The following COL5A3 variants were observed in gnomAD, a reference collection of about 807,000 sequenced individuals.
The protein encoded by COL5A3 is collagen alpha-3(V) chain.
In COL5A3, 172 loss-of-function variants were observed where a neutral mutation model predicts 250.0. The observed-to-expected ratio is 0.69, with a 90% CI of 0.61 to 0.78. COL5A3 has a LOEUF of 0.78. Ranked by LOEUF, COL5A3 falls within the 30% of genes least tolerant of loss-of-function variation. The pLI, the probability that COL5A3 is intolerant of heterozygous loss-of-function variation, is 0.00. For synonymous variants in COL5A3, 937 were observed against 900.4 expected (o/e 1.04, Z -0.73); for missense variants, 2,340 against 2,334.4 (o/e 1.00, Z -0.05).
chr19:10,006,986 A>C, intron 1 of COL5A3, among the ~76,000 whole-genome samples: 3 of 136,716 alleles, frequency 2.2e-5, no homozygotes, highest in Admixed American at 7.3e-5. Flanking sequence ...TTGCCCTCTG[A>C]CCTCCTCCCT....
chr19:9,988,334 C>A (rs1463669186), intron 27 of COL5A3, among the ~76,000 whole-genome samples: 1 of 152,178 alleles, frequency 6.6e-6, no homozygotes, highest in Admixed American at 6.6e-5. Flanking sequence ...TACAGTATAG[C>A]CAATTCCTTG....
At chr19:9,969,466 C>G (rs915332894) in intron 56 of COL5A3, 64 bp from the exon 57 acceptor site, 11 of 1,583,352 alleles carry the variant, frequency 6.9e-6, no homozygotes, top group African/African-American at 2.7e-5. Flanking sequence ...GACCCCCCCC[C>G]GACCATGCAC....
intron 24 of COL5A3, among the ~76,000 whole-genome samples, chr19:9,989,806 C>T (rs766684588): frequency 3.3e-5 from 5 of 152,132 alleles, no homozygotes; most frequent in Admixed American, 1.3e-4. Context: ...AATTATATGT[C>T]GCCCAGGTTG....
In COL5A3 at chr19:9,969,690, G is replaced by A. The variant is rs777667086; in HGVS notation, c.3991-8C>T. The A allele has an allele frequency of 3.1e-6, 5 of 1,587,794 alleles. No homozygotes were observed. The South Asian group carries it at 5.7e-5, about 18-fold the overall frequency. Reference sequence around the variant, plus strand: ...ATCAGGACCTGGCTCCCCCTGAAATGGACACAGGCAAGGGAGGGGCCAGAG... The same window carrying A: ...ATCAGGACCTGGCTCCCCCTGAAATAGACACAGGCAAGGGAGGGGCCAGAG... On this transcript the variant is annotated splice_region_variant and splice_polypyrimidine_tract_variant and intron_variant, in intron 55 of 66. Coordinates refer to ENST00000264828, the MANE Select transcript of COL5A3 (RefSeq NM_015719.4).
chr19:9,960,650 C>G lies in COL5A3; in HGVS notation c.5091+1G>C. 6.2e-7 allele frequency: 1 copy of G among 1,613,984 alleles called. No homozygotes were observed. Among genetic ancestry groups the G allele is most frequent in the South Asian group, 1.1e-5 (1 of 91,086 alleles). On this transcript the variant is annotated splice_donor_variant, in intron 66 of 66. Coordinates refer to ENST00000264828, the MANE Select transcript of COL5A3 (RefSeq NM_015719.4). LOFTEE classifies it high-confidence loss of function. ...AGCTGGCCACTGCCCCACCCTCTTA[C>G]CCGGCAGCCATCCTGGGGGACGCTG...
intron 64 of COL5A3, 60 bp downstream of exon 64, chr19:9,966,248 TTGTGGG>T: frequency 8.4e-7 from 1 of 1,187,016 alleles, no homozygotes; most frequent in Admixed American, 1.9e-5. Flanking sequence ...GACAAGGTGG[TTGTGGG>T]TGTGGGGAGC....
At chr19:9,989,897 T>G (rs978033032) in intron 24 of COL5A3, among the ~76,000 whole-genome samples, 3 of 151,994 alleles carry the variant, frequency 2.0e-5, no homozygotes, top group Non-Finnish European at 2.9e-5. Flanking sequence ...CTCCAGTAGC[T>G]GGGACTACAG....
chr19:9,977,524 G>T (rs538879736), intron 42 of COL5A3, 52 bp from the exon 43 acceptor site: 33 of 1,505,012 alleles, frequency 2.2e-5, no homozygotes, highest in Non-Finnish European at 2.5e-5. Flanking sequence ...TCCTGCAGGA[G>T]CCATGTCCTG....
chr19:9,965,665 C>T (rs1306343729), intron 64 of COL5A3, among the ~76,000 whole-genome samples: 1 of 150,304 alleles, frequency 6.7e-6, no homozygotes, highest in Non-Finnish European at 1.5e-5. Context: ...GTTGGTCAGC[C>T]TTGTCTCGAA....
Position 9,989,487 on chromosome 19 carries a change from T to C in COL5A3, c.2028A>G (p.Pro676=). 1 of 1,613,308 alleles carries C rather than the reference T, an allele frequency of 6.2e-7. No homozygotes were observed. The change falls in exon 25 of 67, where the codon CCA becomes CCG. Residue 676 remains proline (P), a synonymous_variant. Transcript: ENST00000264828. ...TTCTCACCAGAGGGCCATCGGATCCTGGGAGGCCTGGAATTCCTGGGTTTC... is the reference window on the plus strand; with the variant it reads ...TTCTCACCAGAGGGCCATCGGATCCCGGGAGGCCTGGAATTCCTGGGTTTC... The part of the protein sequence containing the change: ...PPGNPGIPGL[P]GSDGPLGHPG...
At chr19:9,994,810 G>T (rs190309018) in intron 16 of COL5A3, among the ~76,000 whole-genome samples, 7 of 151,390 alleles carry the variant, frequency 4.6e-5, no homozygotes, top group African/African-American at 1.7e-4. Flanking sequence ...ACAGGCAATT[G>T]TAACACTATA....
In COL5A3 at chr19:9,979,422, A is replaced by G. The variant is rs1367506943; in HGVS notation, c.2713-5T>C. 2 of 1,614,114 alleles carry G rather than the reference A, an allele frequency of 1.2e-6. No individual in the cohort carries two copies. The highest frequency in any genetic ancestry group is 1.1e-5 in the South Asian group (1 of 91,082). On this transcript the variant is annotated splice_polypyrimidine_tract_variant and splice_region_variant and intron_variant, in intron 37 of 66. Transcript: ENST00000264828. ...GCCTGTCTGACCTTGGAAGCCCTAG[A>G]GAGAAAAATTAAATGTGGGGGCGGT...
Position 10,004,028 on chromosome 19 carries a change from G to A in COL5A3, c.699+13C>T. 1 of 1,590,850 alleles carries A rather than the reference G, an allele frequency of 6.3e-7. No individual in the cohort carries two copies. Among genetic ancestry groups the A allele is most frequent in the Non-Finnish European group, 8.6e-7 (1 of 1,158,674 alleles). On this transcript the variant is annotated intron_variant, in intron 5 of 66. Transcript: ENST00000264828. The stretch of plus-strand genomic sequence containing the variant: ...GTGTCCTGAGATTAGGAGTCATGGA[G>A]TCCCTCACTCACCACTGTGGCTGCC...
chr19:9,999,221 C>T (rs2087319070), intron 8 of COL5A3, among the ~76,000 whole-genome samples: 2 of 140,588 alleles, frequency 1.4e-5, no homozygotes, highest in Admixed American at 7.4e-5. Flanking sequence ...GACACAGGGT[C>T]ACTCTATTGC....
Position 10,001,633 on chromosome 19 carries a change from G to A in COL5A3, c.1001C>T (p.Thr334Ile). The A allele has an allele frequency of 6.2e-7, 1 of 1,613,970 alleles. No homozygotes were observed. The highest frequency in any genetic ancestry group is 8.5e-7 in the Non-Finnish European group (1 of 1,179,994). The stretch of plus-strand genomic sequence containing the variant: ...CTCCCTGGCTGCCTTGGTCTCCAGG[G>A]TCCCCAGCTCGGTTCCACTGTCAGG... The part of the protein sequence containing the change: ...LDPDSGTELG[T>I]LETKAAREDE... The change falls in exon 8 of 67, where the codon ACC becomes ATC. Residue 334 changes from threonine (T) to isoleucine (I), a missense_variant. By Grantham distance (89) the Thr-to-Ile change is moderately conservative (BLOSUM62 -1). Coordinates refer to ENST00000264828, the MANE Select transcript of COL5A3 (RefSeq NM_015719.4).
intron 35 of COL5A3, among the ~76,000 whole-genome samples, 187 bp downstream of exon 35, chr19:9,980,461 A>G (rs1478382412): frequency 6.6e-6 from 1 of 152,062 alleles, no homozygotes; most frequent in Non-Finnish European, 1.5e-5. Flanking sequence ...TCCTGGGCTC[A>G]AGCAATTCTC....
At chr19:9,984,243 G>A (rs2087062072) in intron 31 of COL5A3, among the ~76,000 whole-genome samples, 1 of 152,074 alleles carries the variant, frequency 6.6e-6, no homozygotes, top group African/African-American at 2.4e-5. Flanking sequence ...GGCTGGTGGT[G>A]AACTCTCGAC....
rs778165381 is a variant in COL5A3, at chr19:9,991,621, G to A, written c.1981C>T (p.Pro661Ser). Residue 661 changes from proline (P) to serine (S), a missense_variant, in exon 24 of 67, where the codon CCT becomes TCT. Physicochemically the swap from Pro to Ser is moderately conservative, Grantham distance 74. Around this residue, in one of 3 missense-constraint regions of COL5A3, gnomAD observed 1,152 missense variants for 1,146.3 expected, o/e 1.00. Transcript: ENST00000264828. ...LPGPQGLIGT[P>S]GEKGPPGNPG... ...GAGCTGTCACTCACCTTCTCCCCAG[G>A]AGTGCCAATGAGTCCCTGGGGACCG... The A allele has an allele frequency of 2.7e-5, 43 of 1,602,238 alleles. No individual in the cohort carries two copies. Among genetic ancestry groups the A allele is most frequent in the Non-Finnish European group, 3.7e-5 (43 of 1,174,118 alleles).
Position 10,005,644 on chromosome 19 carries a change from G to A in COL5A3, c.508C>T (p.Pro170Ser). The A allele has an allele frequency of 6.2e-7, 1 of 1,614,064 alleles. No homozygotes were observed. Among genetic ancestry groups the A allele is most frequent in the Non-Finnish European group, 8.5e-7 (1 of 1,179,990 alleles). Residue 170 changes from proline to serine, a missense_variant, in exon 4 of 67, where the codon CCT (proline) becomes TCT (serine). This residue lies in a region of COL5A3 where 1,152 missense variants were observed against 1,146.3 expected (regional missense o/e 1.00). Transcript: ENST00000264828. ...AAGCGGGGGCCATGGCCCAAAACAG[G>A]GGGCTGAGCTTCACAGTCAGCTACC... Reference protein sequence around the residue: ...TLVADCEAQPPVLGHGPRFIS... With the variant: ...TLVADCEAQPSVLGHGPRFIS...
Sources: allele counts gnomAD v4.1 joint callset (sites outside exome capture counted in the v4.1 genomes callset), GRCh38; gene constraint gnomAD v4.1.1; regional missense constraint gnomAD v4.1.1; transcripts MANE v1.5; gene names NCBI Gene and HGNC (gene_info 2026-07-23, HGNC 2026-07-21).